The following SUPT3H variants were observed in gnomAD, a reference collection of about 807,000 sequenced individuals.
SUPT3H encodes the protein transcription initiation protein SPT3 homolog.
Under a neutral mutation model 44.3 loss-of-function variants are expected in SUPT3H, and 44 were observed. The observed-to-expected ratio is 0.99, with a 90% confidence interval of 0.78 to 1.28. The LOEUF (loss-of-function observed/expected upper bound fraction) is 1.28, where lower values mean the gene tolerates loss of function less well. Ranked by LOEUF, SUPT3H falls within the 50% of genes most tolerant of loss-of-function variation. The probability of loss-of-function intolerance (pLI) is 0.00; values close to 1 mark genes in which losing one functional copy is unlikely to be tolerated. For synonymous variants in SUPT3H, 124 were observed against 125.6 expected, an observed-to-expected ratio of 0.99 and a Z score of 0.09; for missense variants, 380 against 387.1, an observed-to-expected ratio of 0.98 and a Z score of 0.15.
intron 10 of SUPT3H, among the ~76,000 whole-genome samples, chr6:44,904,533 T>C (rs1765657830): frequency 6.6e-6 from 1 of 152,090 alleles, no homozygotes; most frequent in South Asian, 2.1e-4. Context: ...CACAAACAAA[T>C]GGAAGAACAC....
chr6:45,061,767 T>A (rs183865486), intron 3 of SUPT3H, among the ~76,000 whole-genome samples: 2 of 152,100 alleles, frequency 1.3e-5, no homozygotes, highest in Non-Finnish European at 2.9e-5. Context: ...ATATTTTATG[T>A]GATACTTATG....
intron 2 of SUPT3H, among the ~76,000 whole-genome samples, chr6:45,153,565 A>G (rs1462099878): frequency 6.6e-6 from 1 of 152,214 alleles, no homozygotes; most frequent in Non-Finnish European, 1.5e-5. Context: ...TTGTGTTAAC[A>G]AAGATAGGTC....
intron 6 of SUPT3H, among the ~76,000 whole-genome samples, chr6:44,970,904 G>A (rs977475389): frequency 6.6e-5 from 10 of 152,136 alleles, no homozygotes; most frequent in East Asian, 3.9e-4. Flanking sequence ...AAATTCTCAA[G>A]TAGTCAAATA....
At chr6:44,846,144 T>G (rs1771843778) in intron 10 of SUPT3H, among the ~76,000 whole-genome samples, 1 of 152,160 alleles carries the variant, frequency 6.6e-6, no homozygotes, top group Non-Finnish European at 1.5e-5. Context: ...CCCCACTGCA[T>G]GCCCTGTGAG....
intron 6 of SUPT3H, among the ~76,000 whole-genome samples, chr6:44,968,691 A>G (rs1777124516): frequency 6.6e-6 from 1 of 152,148 alleles, no homozygotes; most frequent in Non-Finnish European, 1.5e-5. Context: ...CCTGCATACT[A>G]GTATTTTAAA....
chr6:45,357,407 T>C (rs1237439753), intron 2 of SUPT3H, among the ~76,000 whole-genome samples: 1 of 152,118 alleles, frequency 6.6e-6, no homozygotes, highest in African/African-American at 2.4e-5. Flanking sequence ...CATGGTTCAC[T>C]GCAGCCGTAA....
At chr6:44,854,595 A>G (rs569185285) in intron 10 of SUPT3H, among the ~76,000 whole-genome samples, 1 of 152,252 alleles carries the variant, frequency 6.6e-6, no homozygotes, top group East Asian at 1.9e-4. Context: ...CCTTGCAGCC[A>G]GAATTCTCCT....
chr6:45,036,499 T>C (rs1296433191), intron 3 of SUPT3H, among the ~76,000 whole-genome samples: 1 of 152,048 alleles, frequency 6.6e-6, no homozygotes, highest in East Asian at 1.9e-4. Flanking sequence ...TGATGAACAG[T>C]AATACTAAAA....
chr6:45,122,941 C>T (rs1469868369), intron 2 of SUPT3H, among the ~76,000 whole-genome samples: 1 of 152,128 alleles, frequency 6.6e-6, no homozygotes, highest in African/African-American at 2.4e-5. Flanking sequence ...GTTTGAGAAC[C>T]TGGGGTAAAT....
At chr6:44,878,756 G>A (rs1192059621) in intron 10 of SUPT3H, among the ~76,000 whole-genome samples, 2 of 152,116 alleles carry the variant, frequency 1.3e-5, no homozygotes, top group Non-Finnish European at 2.9e-5. Flanking sequence ...GTTAGACAGT[G>A]GGTGCAGCCC....
chr6:45,186,598 T>A (rs764948555), intron 2 of SUPT3H, among the ~76,000 whole-genome samples: 1 of 152,140 alleles, frequency 6.6e-6, no homozygotes, highest in East Asian at 1.9e-4. Flanking sequence ...TTCTACCAGA[T>A]TTAAAGTAGA....
At chr6:44,948,658 CA>C (rs1773746241) in intron 9 of SUPT3H, among the ~76,000 whole-genome samples, 1 of 152,148 alleles carries the variant, frequency 6.6e-6, no homozygotes, top group South Asian at 2.1e-4. Flanking sequence ...CATCACTGGC[CA>C]TCAGAGAAAT....
At chr6:45,088,642 C>T (rs1796765648) in intron 3 of SUPT3H, among the ~76,000 whole-genome samples, 1 of 152,058 alleles carries the variant, frequency 6.6e-6, no homozygotes, top group African/African-American at 2.4e-5. Context: ...CATTTACCAA[C>T]TCATGGCTCA....
At chr6:45,111,414 T>C (rs976451866) in intron 2 of SUPT3H, among the ~76,000 whole-genome samples, 2 of 152,092 alleles carry the variant, frequency 1.3e-5, no homozygotes, top group Non-Finnish European at 2.9e-5. Context: ...ATTATTGTTA[T>C]CAGCATGACC....
chr6:45,113,412 A>T (rs917499180), intron 2 of SUPT3H, among the ~76,000 whole-genome samples: 1 of 152,218 alleles, frequency 6.6e-6, no homozygotes, highest in Non-Finnish European at 1.5e-5. Flanking sequence ...AAACACTACA[A>T]ATTAGCCTTG....
chr6:45,161,456 G>T (rs1372651959), intron 2 of SUPT3H, among the ~76,000 whole-genome samples: 1 of 152,260 alleles, frequency 6.6e-6, no homozygotes, highest in African/African-American at 2.4e-5. Flanking sequence ...TGAGAGTATG[G>T]ACACTAGAAA....
chr6:44,884,655 C>A (rs1013076002), intron 10 of SUPT3H, among the ~76,000 whole-genome samples: 2 of 152,146 alleles, frequency 1.3e-5, no homozygotes, highest in South Asian at 4.1e-4. Flanking sequence ...CGAATAGGAA[C>A]AGCTCCGGTC....
At chr6:44,890,772 A>C (rs1763170337) in intron 10 of SUPT3H, among the ~76,000 whole-genome samples, 1 of 145,426 alleles carries the variant, frequency 6.9e-6, no homozygotes, top group South Asian at 2.5e-4. Flanking sequence ...AATAATAATA[A>C]AAAAAAAAGA....
In SUPT3H at chr6:44,944,595, C is replaced by CA. The variant is rs541595114; in HGVS notation, c.801+8714dup. On this transcript the variant is annotated intron_variant, in intron 9 of 10. Coordinates refer to ENST00000371459, the MANE Select transcript of SUPT3H (RefSeq NM_003599.4). ...GCAACACAGTGAAACCCTGTCTCTA[C>CA]AAAAAAAAATACAATAATTAGCTAG... 6.2e-3 allele frequency among the ~76,000 whole-genome samples: 916 copies of CA among 147,672 alleles called. 9 individuals carry two copies. Among genetic ancestry groups the CA allele is most frequent in the African/African-American group, 0.021 (861 of 40,312 alleles).
Sources: allele counts gnomAD v4.1 joint callset (sites outside exome capture counted in the v4.1 genomes callset), GRCh38; gene constraint gnomAD v4.1.1; transcripts MANE v1.5; gene names NCBI Gene and HGNC (gene_info 2026-07-23, HGNC 2026-07-21).